Variants in WDR41 observed in about 807,000 individuals in gnomAD.
WDR41 encodes WD repeat-containing protein 41.
WDR41 carries 63 observed loss-of-function variants against 69.3 expected under a neutral mutation model. That is an observed-to-expected ratio of 0.91 (90% CI 0.74 to 1.12). The LOEUF is 1.12. Ranked by LOEUF, WDR41 falls within the 50% of genes most tolerant of loss-of-function variation. The pLI, the probability that WDR41 is intolerant of heterozygous loss-of-function variation, is 0.00. For synonymous variants in WDR41, 185 were observed against 192.1 expected (o/e 0.96, Z 0.31); for missense variants, 543 against 534.5 (o/e 1.02, Z -0.16).
At chr5:77,580,693 T>C (rs1001945484) in intron 1 of WDR41, among the ~76,000 whole-genome samples, 1 of 152,112 alleles carries the variant, frequency 6.6e-6, no homozygotes, top group Non-Finnish European at 1.5e-5. Context: ...CGGTGGTTCA[T>C]GCGTGTAATC....
At chr5:77,435,017 TTATCCCCTAC>T (rs1309816990) in intron 12 of WDR41, among the ~76,000 whole-genome samples, 1 of 152,164 alleles carries the variant, frequency 6.6e-6, no homozygotes, top group Non-Finnish European at 1.5e-5. Flanking sequence ...TTCCCAGGCT[TTATCCCCTAC>T]TAGTGTCTGT....
chr5:77,526,311 CT>C (rs984065422), intron 1 of WDR41, among the ~76,000 whole-genome samples: 120 of 145,486 alleles, frequency 8.2e-4, no homozygotes, highest in Middle Eastern at 3.5e-3. Context: ...AAAATAAGGA[CT>C]TTTTTTTTTT....
At chr5:77,471,705 C>T (rs928608466) in intron 2 of WDR41, among the ~76,000 whole-genome samples, 1 of 152,166 alleles carries the variant, frequency 6.6e-6, no homozygotes, top group Non-Finnish European at 1.5e-5. Flanking sequence ...TTGACACATA[C>T]ACCCTCCCAA....
At chr5:77,580,030 C>T (rs1451484976) in intron 1 of WDR41, among the ~76,000 whole-genome samples, 1 of 151,470 alleles carries the variant, frequency 6.6e-6, no homozygotes, top group African/African-American at 2.4e-5. Flanking sequence ...AATAATGCTA[C>T]AAAAATAGAA....
intron 1 of WDR41, among the ~76,000 whole-genome samples, chr5:77,610,367 C>G (rs868858746): frequency 0.027 from 4,068 of 150,412 alleles, 187 homozygotes; most frequent in African/African-American, 0.093. Flanking sequence ...ATTCACCAAA[C>G]TTGAAATGAA....
rs563214731 is a variant in WDR41, at chr5:77,477,119, G to A, written c.168-12310C>T. 1.5e-3 allele frequency among the ~76,000 whole-genome samples: 228 copies of A among 147,890 alleles called. 10 individuals are homozygous for A. The highest frequency in any genetic ancestry group is 5.9e-3 in the African/African-American group (224 of 37,870). On this transcript the variant is annotated intron_variant, in intron 2 of 12. Coordinates refer to ENST00000296679, the MANE Select transcript of WDR41 (RefSeq NM_018268.4). ...TAAAGGGATCAATTCAACAAGAAGA[G>A]CTAACTATCCTAAATATATATGCAC...
chr5:77,495,189 A>T (rs1375205595), upstream of WDR41, among the ~76,000 whole-genome samples: 3 of 152,068 alleles, frequency 2.0e-5, no homozygotes, highest in East Asian at 5.8e-4. Flanking sequence ...GAAGATCTAA[A>T]ATCAATAACC....
At chr5:77,437,569 C>T in intron 10 of WDR41, 145 bp from the exon 11 acceptor site, 3 of 724,986 alleles carry the variant, frequency 4.1e-6, no homozygotes, top group Non-Finnish European at 4.8e-6. Flanking sequence ...TTTAGCATGA[C>T]GTTACAACGC....
intron 2 of WDR41, among the ~76,000 whole-genome samples, chr5:77,483,238 G>A (rs553203456): frequency 3.3e-5 from 5 of 152,122 alleles, no homozygotes; most frequent in Non-Finnish European, 5.9e-5. Flanking sequence ...CCTGAGCTAA[G>A]GTGATCCTCC....
At chr5:77,459,290 T>A (rs1446012486) in intron 4 of WDR41, among the ~76,000 whole-genome samples, 166 bp from the exon 5 acceptor site, 2 of 152,016 alleles carry the variant, frequency 1.3e-5, no homozygotes, top group Non-Finnish European at 2.9e-5. Flanking sequence ...ATATAGTGAG[T>A]CATCAACTTA....
intron 2 of WDR41, among the ~76,000 whole-genome samples, chr5:77,486,191 T>C (rs1209527763): frequency 6.6e-6 from 1 of 152,230 alleles, no homozygotes; most frequent in Admixed American, 6.5e-5. Flanking sequence ...TTTTCTTTTT[T>C]AGTACACTAC....
chr5:77,586,822 G>T (rs1353215518), intron 1 of WDR41, among the ~76,000 whole-genome samples: 1 of 149,890 alleles, frequency 6.7e-6, no homozygotes, highest in Non-Finnish European at 1.5e-5. Flanking sequence ...GGGTTCAAGC[G>T]ATTCTCCTGC....
At chr5:77,469,151 C>CA (rs1309330817) in intron 2 of WDR41, among the ~76,000 whole-genome samples, 3 of 151,920 alleles carry the variant, frequency 2.0e-5, no homozygotes, top group Non-Finnish European at 4.4e-5. Context: ...GACAAAAAAC[C>CA]AAACACCACA....
chr5:77,439,868 C>A (rs1296640699), intron 9 of WDR41, among the ~76,000 whole-genome samples: 1 of 152,142 alleles, frequency 6.6e-6, no homozygotes, highest in African/African-American at 2.4e-5. Context: ...AGGGCTACAA[C>A]TCTTAGTGAT....
chr5:77,545,709 G>A (rs1284000430), intron 1 of WDR41: 2 of 512,646 alleles, frequency 3.9e-6, no homozygotes, highest in Non-Finnish European at 6.8e-6. Context: ...CGCCAGTGCA[G>A]AAGCAGACCC....
chr5:77,484,301 A>T (rs1304794664), intron 2 of WDR41, among the ~76,000 whole-genome samples: 1 of 152,210 alleles, frequency 6.6e-6, no homozygotes, highest in Non-Finnish European at 1.5e-5. Flanking sequence ...TGGCACACGC[A>T]TCTGTGTGAT....
intron 1 of WDR41, chr5:77,583,232 T>C (rs1743974144): frequency 1.5e-6 from 1 of 672,914 alleles, no homozygotes; most frequent in Admixed American, 2.9e-5. Flanking sequence ...TTAAAAAAGC[T>C]ACCCACAGGC....
At chr5:77,481,082 C>T (rs947278779) in intron 2 of WDR41, among the ~76,000 whole-genome samples, 8 of 151,518 alleles carry the variant, frequency 5.3e-5, no homozygotes, top group African/African-American at 1.7e-4. Flanking sequence ...AGTGCAATGG[C>T]GTGATCTCAG....
At chr5:77,582,228 A>G (rs1236026162) in intron 1 of WDR41, 1 of 707,388 alleles carries the variant, frequency 1.4e-6, no homozygotes, top group Non-Finnish European at 2.4e-6. Flanking sequence ...AATAGATTAC[A>G]TAACTTAGAT....
Sources: gnomAD v4.1 joint callset for allele counts (sites outside exome capture counted in the v4.1 genomes callset) on GRCh38, gnomAD v4.1.1 for gene constraint, MANE v1.5 for transcripts, NCBI Gene and HGNC (gene_info 2026-07-23, HGNC 2026-07-21) for gene names.